Variants in MRGBP observed in about 807,000 individuals in gnomAD.
The protein encoded by MRGBP is MRG domain binding protein, also known as MRG/MORF4L-binding protein.
A neutral mutation model predicts 21.5 loss-of-function variants in MRGBP; 5 were observed. The observed-to-expected ratio is 0.23, with a 90% confidence interval of 0.12 to 0.49. The LOEUF is 0.49. MRGBP is among the 20% of genes least tolerant of loss of function. The probability of loss-of-function intolerance (pLI) is 0.98; values close to 1 mark genes in which losing one functional copy is unlikely to be tolerated. For missense variants in MRGBP, 227 were observed against 277.4 expected, an observed-to-expected ratio of 0.82 and a Z score of 1.29; for synonymous variants, 118 against 104.4, an observed-to-expected ratio of 1.13 and a Z score of -0.79.
intron 4 of MRGBP, 147 bp from the exon 5 acceptor site, chr20:62,799,309 G>A: frequency 2.1e-6 from 2 of 968,736 alleles, no homozygotes; most frequent in Non-Finnish European, 3.0e-6. Context: ...CCCTCTGTGG[G>A]CCCAAATGCA....
At chr20:62,798,116 C>T (rs1036849612) in intron 2 of MRGBP, among the ~76,000 whole-genome samples, 1 of 152,246 alleles carries the variant, frequency 6.6e-6, no homozygotes, top group African/African-American at 2.4e-5. Flanking sequence ...GCGCTCCCAA[C>T]CGACACCCTC....
chr20:62,796,573 C>G lies in MRGBP; in HGVS notation c.50C>G (p.Pro17Arg). ...GGGGGCGCCGCAGGCGACAAGGGCC[C>G]GGGGGAGGCGGCCACCAGCCCGGCG... ...GGGGAAGDKGPGEAATSPAEE... is the reference protein window; with the variant it reads ...GGGGAAGDKGRGEAATSPAEE... The change falls in exon 1 of 5, where the codon CCG (proline) becomes CGG (arginine). Residue 17 changes from proline (P) to arginine (R), a missense_variant. Physicochemically the swap from Pro to Arg is moderately radical, Grantham distance 103. Coordinates refer to ENST00000370487, the MANE Select transcript of MRGBP (RefSeq NM_018270.6). The G allele has an allele frequency of 1.6e-6, 2 of 1,254,898 alleles. No homozygotes were observed. Among genetic ancestry groups the G allele is most frequent in the Non-Finnish European group, 2.0e-6 (2 of 995,972 alleles). The allele number at this position is 1,254,898 out of a possible 1,614,324, so 77.7% of individuals were successfully genotyped here. A position where few individuals can be genotyped will look rare whatever the true frequency, so the allele number is the denominator to read the frequency against.
Position 62,799,866 on chromosome 20 carries a change from G to A in MRGBP, c.*223G>A, listed in dbSNP as rs986030794. 8 of 522,924 alleles carry A rather than the reference G, an allele frequency of 1.5e-5. No individual in the cohort carries two copies. Among genetic ancestry groups the A allele is most frequent in the African/African-American group, 7.6e-5 (4 of 52,720 alleles). 32.4% of individuals were successfully genotyped at this position (522,924 alleles called of 1,614,324 possible). A position where few individuals can be genotyped will look rare whatever the true frequency, so the allele number is the denominator to read the frequency against. ...CTGATGGACCTGAAAGACCAGGATC[G>A]GTCCAGCTCAGATATTGAGGGCTCT... is the stretch of plus-strand genomic sequence containing the variant. On this transcript the variant is annotated 3_prime_UTR_variant, in exon 5 of 5. Coordinates refer to ENST00000370487, the MANE Select transcript of MRGBP (RefSeq NM_018270.6).
rs1425753226 is a variant in MRGBP, at chr20:62,801,257, G to C, written c.*1614G>C. The stretch of plus-strand genomic sequence containing the variant: ...GCAGCTGCCTGGGGGGACCCTGTGG[G>C]TCCCTTTTCTATAGAGCCGGGACAA... On this transcript the variant is annotated 3_prime_UTR_variant, in exon 5 of 5. Transcript: ENST00000370487. 1.3e-5 allele frequency: 2 copies of C among 152,186 alleles called. No homozygotes were observed. The highest frequency in any genetic ancestry group is 2.9e-5 in the Non-Finnish European group (2 of 68,060). The allele number at this position is 152,186 out of a possible 1,614,324, so 9.4% of individuals were successfully genotyped here. A position where few individuals can be genotyped will look rare whatever the true frequency, so the allele number is the denominator to read the frequency against.
At chr20:62,799,162 G>A (rs879347629) in intron 4 of MRGBP, 113 bp downstream of exon 4, 156 of 1,141,348 alleles carry the variant, frequency 1.4e-4, no homozygotes, top group Non-Finnish European at 1.8e-4. Flanking sequence ...GAGGCCCCAG[G>A]CAGGTCATCT....
intron 4 of MRGBP, 122 bp from the exon 5 acceptor site, chr20:62,799,334 C>T: frequency 1.7e-6 from 2 of 1,145,324 alleles, no homozygotes; most frequent in East Asian, 2.6e-5. Context: ...GCTCCCAGCT[C>T]AGGAGGAAGC....
chr20:62,796,475 G>A lies in MRGBP; in HGVS notation c.-49G>A. ...CCGAGTGCGCCTGCGCGGAGCTCGTGGCCGCGCCTGCTCCCGCCGGGGGCT... is the reference window on the plus strand; with the variant it reads ...CCGAGTGCGCCTGCGCGGAGCTCGTAGCCGCGCCTGCTCCCGCCGGGGGCT... On this transcript the variant is annotated 5_prime_UTR_variant, in exon 1 of 5. Coordinates refer to ENST00000370487, the MANE Select transcript of MRGBP (RefSeq NM_018270.6). 7 of 1,087,890 alleles carry A rather than the reference G, an allele frequency of 6.4e-6. 1 individual carries two copies. The highest frequency in any genetic ancestry group is 1.1e-4 in the East Asian group (2 of 17,706). 67.4% of individuals were successfully genotyped at this position (1,087,890 alleles called of 1,614,324 possible). A position where few individuals can be genotyped will look rare whatever the true frequency, so the allele number is the denominator to read the frequency against.
chr20:62,799,906 T>C lies in MRGBP; in HGVS notation c.*263T>C. On this transcript the variant is annotated 3_prime_UTR_variant, in exon 5 of 5. Coordinates refer to ENST00000370487, the MANE Select transcript of MRGBP (RefSeq NM_018270.6). ...TTGAGGGCTCTGAAGCCTAGTTCTG[T>C]CTTCTCTGGAGCAGCTGTGGCTTCC... 1 of 408,798 alleles carries C rather than the reference T, an allele frequency of 2.4e-6. No homozygotes were observed. The highest frequency in any genetic ancestry group is 4.4e-6 in the Non-Finnish European group (1 of 228,502). 25.3% of individuals were successfully genotyped at this position (408,798 alleles called of 1,614,324 possible).
intron 4 of MRGBP, 127 bp from the exon 5 acceptor site, chr20:62,799,329 C>A: frequency 8.9e-7 from 1 of 1,118,160 alleles, no homozygotes; most frequent in Non-Finnish European, 1.3e-6. Flanking sequence ...AAGGGGCTCC[C>A]AGCTCAGGAG....
rs144461918 is a variant in MRGBP, at chr20:62,800,603, G to A, written c.*960G>A. On this transcript the variant is annotated 3_prime_UTR_variant, in exon 5 of 5. Transcript: ENST00000370487. ...GCACAAAAAAATCCAACCTGGAGTT[G>A]TGTGATTTTGATACCAAAGTAAGTT... is the stretch of plus-strand genomic sequence containing the variant. 13 of 152,346 alleles carry A rather than the reference G, an allele frequency of 8.5e-5. No individual in the cohort carries two copies. Among genetic ancestry groups the A allele is most frequent in the African/African-American group, 2.2e-4 (9 of 41,578 alleles). The allele number at this position is 152,346 out of a possible 1,614,324, so 9.4% of individuals were successfully genotyped here. A position where few individuals can be genotyped will look rare whatever the true frequency, so the allele number is the denominator to read the frequency against.
chr20:62,797,180 A>G lies in MRGBP; in HGVS notation c.219A>G (p.Pro73=). 6.2e-7 allele frequency: 1 copy of G among 1,605,646 alleles called. No homozygotes were observed. Among genetic ancestry groups the G allele is most frequent in the South Asian group, 1.1e-5 (1 of 90,292 alleles). ...GCCAGAACATCGGGCGGCAGGTCCC[A>G]TCCAAGGTCATCTGGGACCATCTGA... The part of the protein sequence containing the change: ...KFSQNIGRQV[P]SKVIWDHLST... The change falls in exon 2 of 5, where the codon CCA becomes CCG. Residue 73 remains proline (P), a synonymous_variant. Transcript: ENST00000370487.
Position 62,799,711 on chromosome 20 carries a change from C to T in MRGBP, c.*68C>T. On this transcript the variant is annotated 3_prime_UTR_variant, in exon 5 of 5. Transcript: ENST00000370487. ...TGGTCGCTGAGGGGGTTGGCTGGGTCTGAGTGCCACCCCCCAGGCCACAGT... is the reference window on the plus strand; with the variant it reads ...TGGTCGCTGAGGGGGTTGGCTGGGTTTGAGTGCCACCCCCCAGGCCACAGT... 2.0e-6 allele frequency: 3 copies of T among 1,501,228 alleles called. No homozygotes were observed. The highest frequency in any genetic ancestry group is 2.7e-6 in the Non-Finnish European group (3 of 1,112,914). 93.0% of individuals were successfully genotyped at this position (1,501,228 alleles called of 1,614,324 possible).
chr20:62,797,112 G>A lies in MRGBP; in HGVS notation c.151G>A (p.Val51Met). ...HAMLGHKPVGVNRHFHMICIR... is the reference protein window; with the variant it reads ...HAMLGHKPVGMNRHFHMICIR... ...CCCGCCGCCCCTCCTCCCCTCAGGT[G>A]TGAACCGACACTTCCACATGATTTG... The change falls in exon 2 of 5, where the codon GTG becomes ATG. Residue 51 changes from valine to methionine, a missense_variant and splice_region_variant. Transcript: ENST00000370487. The A allele has an allele frequency of 6.2e-7, 1 of 1,600,280 alleles. No homozygotes were observed. Among genetic ancestry groups the A allele is most frequent in the Non-Finnish European group, 8.5e-7 (1 of 1,175,058 alleles).
intron 3 of MRGBP, 50 bp from the exon 4 acceptor site, chr20:62,798,925 G>A (rs746911210): frequency 5.8e-5 from 94 of 1,611,192 alleles, no homozygotes; most frequent in Non-Finnish European, 7.5e-5. Flanking sequence ...ATCCCCCAGC[G>A]TCGGCCACCA....
At chr20:62,797,051 C>G (rs984669517) in intron 1 of MRGBP, 59 bp from the exon 2 acceptor site, 1 of 1,534,678 alleles carries the variant, frequency 6.5e-7, no homozygotes, top group Non-Finnish European at 8.8e-7. Context: ...CAGCCCGTCC[C>G]CTCCATCCCC....
intron 2 of MRGBP, 137 bp from the exon 3 acceptor site, chr20:62,798,450 C>T: frequency 2.9e-6 from 2 of 700,394 alleles, no homozygotes; most frequent in Non-Finnish European, 5.1e-6. Context: ...TTGCCCTTGC[C>T]CCGCCCGCCG....
chr20:62,801,416 AGG>A lies in MRGBP; in HGVS notation c.*1775_*1776del. 6.6e-6 allele frequency: 1 copy of A among 152,418 alleles called. No homozygotes were observed. The highest frequency in any genetic ancestry group is 1.5e-5 in the Non-Finnish European group (1 of 68,188). The allele number at this position is 152,418 out of a possible 1,614,324, so 9.4% of individuals were successfully genotyped here. A position where few individuals can be genotyped will look rare whatever the true frequency, so the allele number is the denominator to read the frequency against. ...AAATACTCAGCCCTGCAGCCAGGGA[AGG>A]GTGGGGTCTCCCTTTGCTGCCCAAG... On this transcript the variant is annotated 3_prime_UTR_variant, in exon 5 of 5. Transcript: ENST00000370487.
intron 2 of MRGBP, 30 bp from the exon 3 acceptor site, chr20:62,798,557 T>A: frequency 6.3e-7 from 1 of 1,595,836 alleles, no homozygotes; most frequent in Non-Finnish European, 8.6e-7. Flanking sequence ...CACCCTTGTT[T>A]CTTAAACAAA....
At chr20:62,797,673 G>A (rs1006278080) in intron 2 of MRGBP, among the ~76,000 whole-genome samples, 2 of 152,258 alleles carry the variant, frequency 1.3e-5, no homozygotes, top group Non-Finnish European at 2.9e-5. Flanking sequence ...GGCCCCCGAA[G>A]TGCTTTAGGC....
Sources: allele counts gnomAD v4.1 joint callset (sites outside exome capture counted in the v4.1 genomes callset), GRCh38; gene constraint gnomAD v4.1.1; transcripts MANE v1.5; gene names NCBI Gene and HGNC (gene_info 2026-07-23, HGNC 2026-07-21).